Variants in SDK2 observed in about 807,000 individuals in gnomAD.
The protein encoded by SDK2 is protein sidekick-2.
A neutral mutation model predicts 253.9 loss-of-function variants in SDK2; 105 were observed. That is an observed-to-expected ratio of 0.41 (90% CI 0.35 to 0.49). The LOEUF (loss-of-function observed/expected upper bound fraction) is 0.49. SDK2 is among the 20% of genes least tolerant of loss of function. The pLI is 0.06. For missense variants in SDK2, 2,608 were observed against 3,003.0 expected, an observed-to-expected ratio of 0.87 and a Z score of 3.07; for synonymous variants, 1,249 against 1,234.9, an observed-to-expected ratio of 1.01 and a Z score of -0.24.
At chr17:73,464,750 G>A (rs757851573) in intron 3 of SDK2, among the ~76,000 whole-genome samples, 10 of 152,102 alleles carry the variant, frequency 6.6e-5, no homozygotes, top group Middle Eastern at 3.4e-3. Context: ...CATGTCACCC[G>A]CTCCCAATGG....
Position 73,379,968 on chromosome 17 carries a change from C to T in SDK2, c.4763-419G>A, listed in dbSNP as rs563691428. 1.1e-4 allele frequency among the ~76,000 whole-genome samples: 16 copies of T among 152,102 alleles called. No individual in the cohort carries two copies. The South Asian group carries it at 2.9e-3, about 28-fold the overall frequency. On this transcript the variant is annotated intron_variant, in intron 34 of 44. Transcript: ENST00000392650. The surrounding 1 kb of genome is among the most constrained non-coding windows in gnomAD (Gnocchi z 4.5). ...CCCCATCCACCAACTCTTTACACAGCGGGGCTCAGCTCCAGGGGGGAGGGG... is the reference window on the plus strand; with the variant it reads ...CCCCATCCACCAACTCTTTACACAGTGGGGCTCAGCTCCAGGGGGGAGGGG...
chr17:73,402,958 C>T (rs553963587), intron 18 of SDK2, among the ~76,000 whole-genome samples: 9 of 152,002 alleles, frequency 5.9e-5, no homozygotes, highest in Non-Finnish European at 7.4e-5. Flanking sequence ...CCACCATGCC[C>T]GGCTAATTTT....
At chr17:73,464,570 C>T (rs2063584864) in intron 3 of SDK2, among the ~76,000 whole-genome samples, 1 of 152,220 alleles carries the variant, frequency 6.6e-6, no homozygotes, top group Admixed American at 6.5e-5. Context: ...CAAGTTCTCT[C>T]CTTCCAGCCT....
At chr17:73,404,136 A>C (rs2063051627) in intron 18 of SDK2, among the ~76,000 whole-genome samples, 1 of 152,180 alleles carries the variant, frequency 6.6e-6, no homozygotes, top group South Asian at 2.1e-4. Flanking sequence ...GCACAGGGTA[A>C]TGGCAGTGTG....
chr17:73,457,285 T>C (rs143600307), intron 3 of SDK2, among the ~76,000 whole-genome samples: 7 of 11,492 alleles, frequency 6.1e-4, no homozygotes, highest in Non-Finnish European at 8.1e-4. Context: ...CTTCCTTCCT[T>C]CCCCCCTCCC....
intron 3 of SDK2, among the ~76,000 whole-genome samples, chr17:73,459,930 T>C (rs552202536): frequency 6.6e-6 from 1 of 152,312 alleles, no homozygotes; most frequent in Non-Finnish European, 1.5e-5. Context: ...TTTCATGAGA[T>C]GATATGTGTA....
At chr17:73,555,393 G>A (rs1196205512) in intron 1 of SDK2, among the ~76,000 whole-genome samples, 4 of 152,214 alleles carry the variant, frequency 2.6e-5, no homozygotes, top group African/African-American at 4.8e-5. Flanking sequence ...CCTGGCCTGG[G>A]GGAGGCGCCA....
In SDK2 at chr17:73,379,668, C is replaced by T. The variant is rs973617179; in HGVS notation, c.4763-119G>A. ...ATGAGGCACCCCCGCCATTCTAGCC[C>T]CCTCTGTGAAGGTGCATGAAGGAGG... On this transcript the variant is annotated intron_variant, in intron 34 of 44. Transcript: ENST00000392650. The surrounding 1 kb of genome is among the most constrained non-coding windows in gnomAD (Gnocchi z 4.5). 1 of 652,800 alleles carries T rather than the reference C, an allele frequency of 1.5e-6. No homozygotes were observed. Among genetic ancestry groups the T allele is most frequent in the Admixed American group, 2.8e-5 (1 of 35,550 alleles). 40.4% of individuals were successfully genotyped at this position (652,800 alleles called of 1,614,324 possible). A position where few individuals can be genotyped will look rare whatever the true frequency, so the allele number is the denominator to read the frequency against.
chr17:73,507,347 C>T (rs1177901583), intron 2 of SDK2, 91 bp downstream of exon 2: 18 of 1,363,086 alleles, frequency 1.3e-5, no homozygotes, highest in Non-Finnish European at 1.7e-5. Context: ...GAGCCCCACA[C>T]TGTCACACAA....
chr17:73,386,346 C>G, intron 31 of SDK2, 99 bp downstream of exon 31: 1 of 890,876 alleles, frequency 1.1e-6, no homozygotes, highest in Non-Finnish European at 1.8e-6. Flanking sequence ...TCCCACGCCT[C>G]TCTCATCTTT....
At chr17:73,604,004 G>A (rs983594514) in intron 1 of SDK2, among the ~76,000 whole-genome samples, 1 of 152,252 alleles carries the variant, frequency 6.6e-6, no homozygotes, top group Non-Finnish European at 1.5e-5. Flanking sequence ...GCTGGCAGGA[G>A]GACAATGCCT....
chr17:73,634,237 T>G (rs2046304016), intron 1 of SDK2, among the ~76,000 whole-genome samples: 1 of 152,164 alleles, frequency 6.6e-6, no homozygotes, highest in Admixed American at 6.5e-5. Flanking sequence ...CTACCCTGGG[T>G]CCACCAGCCC....
In SDK2 at chr17:73,573,577, T is replaced by C. The variant is rs142637222; in HGVS notation, c.65-65980A>G. ...GCTGGCTCTACCCGCCAAACGCACC[T>C]TGAATCTAACTGCTGCTCACCACCC... On this transcript the variant is annotated intron_variant, in intron 1 of 44. Transcript: ENST00000392650. Among the ~76,000 whole-genome samples, 235 of 152,246 alleles carry C rather than the reference T, an allele frequency of 1.5e-3. 1 individual carries two copies. The highest frequency in any genetic ancestry group is 5.4e-3 in the African/African-American group (226 of 41,550).
At chr17:73,416,587 T>C (rs1241643093) in intron 16 of SDK2, among the ~76,000 whole-genome samples, 1 of 151,802 alleles carries the variant, frequency 6.6e-6, no homozygotes, top group African/African-American at 2.4e-5. Context: ...CACACAGAAC[T>C]ATTATTTTAT....
Position 73,455,003 on chromosome 17 carries a change from T to G in SDK2, c.479+903A>C, listed in dbSNP as rs1050545322. ...CAGGTGTGAGCCGCCGCGTCCGGCC[T>G]GTGATAGTGATATTATTATTATTGT... On this transcript the variant is annotated intron_variant, in intron 4 of 44. Coordinates refer to ENST00000392650, the MANE Select transcript of SDK2 (RefSeq NM_001144952.2). The surrounding 1 kb of genome is among the most constrained non-coding windows in gnomAD (Gnocchi z 5.0). Among the ~76,000 whole-genome samples, 2 of 152,138 alleles carry G rather than the reference T, an allele frequency of 1.3e-5. No homozygotes were observed. Among genetic ancestry groups the G allele is most frequent in the Non-Finnish European group, 2.9e-5 (2 of 68,030 alleles).
intron 1 of SDK2, among the ~76,000 whole-genome samples, chr17:73,621,632 T>C (rs1346261212): frequency 6.6e-6 from 1 of 151,770 alleles, no homozygotes; most frequent in East Asian, 1.9e-4. Flanking sequence ...ATATACAATG[T>C]ATGAAAATTT....
intron 1 of SDK2, among the ~76,000 whole-genome samples, chr17:73,595,217 G>A (rs908560150): frequency 6.6e-6 from 1 of 152,180 alleles, no homozygotes; most frequent in South Asian, 2.1e-4. Context: ...GGAGGAGGAG[G>A]AGGAGGGAGG....
In SDK2 at chr17:73,361,905, A is replaced by G; in HGVS notation, c.5306-60T>C. On this transcript the variant is annotated intron_variant, in intron 38 of 44. Coordinates refer to ENST00000392650, the MANE Select transcript of SDK2 (RefSeq NM_001144952.2). This position sits in a 1 kb window ranked among gnomAD's most constrained non-coding sequence, Gnocchi z 4.1. ...GGGCCCACCGAGGGCACTGGAGGCC[A>G]TGGGGAAGGGGAAGCGGCCGTGGCC... The G allele has an allele frequency of 2.0e-6, 3 of 1,497,052 alleles. No homozygotes were observed. Among genetic ancestry groups the G allele is most frequent in the Non-Finnish European group, 2.7e-6 (3 of 1,109,162 alleles). 92.7% of individuals were successfully genotyped at this position (1,497,052 alleles called of 1,614,324 possible).
chr17:73,613,335 G>A (rs1405532463), intron 1 of SDK2, among the ~76,000 whole-genome samples: 1 of 151,828 alleles, frequency 6.6e-6, no homozygotes, highest in Non-Finnish European at 1.5e-5. Flanking sequence ...GGCTCACCTC[G>A]CTCCCTCCCC....
Sources: gnomAD v4.1 joint callset for allele counts (sites outside exome capture counted in the v4.1 genomes callset) on GRCh38, gnomAD v4.1.1 for gene constraint, Gnocchi (gnomAD v3.1) non-coding constraint, MANE v1.5 for transcripts, NCBI Gene and HGNC (gene_info 2026-07-23, HGNC 2026-07-21) for gene names.